Variants in SLC16A10 observed in about 807,000 individuals in gnomAD.
SLC16A10 encodes solute carrier family 16 member 10, also known as monocarboxylate transporter 10.
SLC16A10 carries 27 observed loss-of-function variants against 40.0 expected under a neutral mutation model. The observed-to-expected ratio is 0.67, with a 90% CI of 0.50 to 0.93. SLC16A10 has a LOEUF of 0.93. SLC16A10 is among the 40% of genes least tolerant of loss of function. The pLI is 0.00. For missense variants in SLC16A10, 529 were observed against 658.2 expected (o/e 0.80, Z 2.15); for synonymous variants, 213 against 249.8 (o/e 0.85, Z 1.39).
chr6:111,157,084 A>G (rs1772283953), intron 1 of SLC16A10, among the ~76,000 whole-genome samples: 1 of 151,750 alleles, frequency 6.6e-6, no homozygotes, highest in African/African-American at 2.4e-5. Context: ...ACACCCAGCT[A>G]ATTTTTATAT....
At position 111,153,067 on chromosome 6, in the gene SLC16A10, A is replaced by C. The variant is rs190465592; in HGVS notation, c.344-19628A>C. 2.5e-3 allele frequency among the ~76,000 whole-genome samples: 386 copies of C among 152,276 alleles called. 2 individuals are homozygous for C. Among genetic ancestry groups the C allele is most frequent in the African/African-American group, 8.8e-3 (366 of 41,564 alleles). On this transcript the variant is annotated intron_variant, in intron 1 of 5. Transcript: ENST00000368851. ...TGCTGGGGAAGATCAAGGGAGAGAG[A>C]GGGTGCTGAGAGCCAATAGGGTGGA...
chr6:111,145,692 A>G (rs1022726598), intron 1 of SLC16A10, among the ~76,000 whole-genome samples: 1 of 152,008 alleles, frequency 6.6e-6, no homozygotes, highest in Non-Finnish European at 1.5e-5. Flanking sequence ...CTTAAAAAAG[A>G]AAAAAAATCA....
At chr6:111,192,976 C>T (rs2114568019) in intron 3 of SLC16A10, among the ~76,000 whole-genome samples, 1 of 152,312 alleles carries the variant, frequency 6.6e-6, no homozygotes. Context: ...TTATTAACTA[C>T]TTATCTCTTC....
chr6:111,138,838 A>G (rs1771929687), intron 1 of SLC16A10, among the ~76,000 whole-genome samples: 1 of 152,066 alleles, frequency 6.6e-6, no homozygotes, highest in Non-Finnish European at 1.5e-5. Flanking sequence ...CTCTTCTGAC[A>G]GTTTTGGGGC....
At chr6:111,101,476 T>C (rs777437893) in intron 1 of SLC16A10, among the ~76,000 whole-genome samples, 1 of 152,206 alleles carries the variant, frequency 6.6e-6, no homozygotes, top group Non-Finnish European at 1.5e-5. Flanking sequence ...TTAACATTTC[T>C]GCAGCAAAAT....
rs1199413042 is a variant in SLC16A10, at chr6:111,156,205, C to T, written c.344-16490C>T. Among the ~76,000 whole-genome samples the T allele has an allele frequency of 3.9e-5, 6 of 152,226 alleles. No individual in the cohort carries two copies. The East Asian group carries it at 1.2e-3, about 29-fold the overall frequency. On this transcript the variant is annotated intron_variant, in intron 1 of 5. Coordinates refer to ENST00000368851, the MANE Select transcript of SLC16A10 (RefSeq NM_018593.5). ...AATAAATGTGGGAGACTAGACAAAT[C>T]CCCCATGCAGAAGAATTCCAAGTAA...
chr6:111,146,722 G>A (rs1772085577), intron 1 of SLC16A10, among the ~76,000 whole-genome samples: 1 of 151,230 alleles, frequency 6.6e-6, no homozygotes, highest in Non-Finnish European at 1.5e-5. Context: ...GGGCAACAGA[G>A]CGAGACTCCG....
chr6:111,146,381 A>G lies in SLC16A10; in HGVS notation c.344-26314A>G, dbSNP rs756060156. Among the ~76,000 whole-genome samples, 7 of 152,230 alleles carry G rather than the reference A, an allele frequency of 4.6e-5. No individual in the cohort carries two copies. The East Asian group carries it at 5.8e-4, about 13-fold the overall frequency. Reference sequence around the variant, plus strand: ...GTGCAGACACTTTGGAAAGTTGGCTATTCCTCAGAGATTTACCACATGGCA... The same window carrying G: ...GTGCAGACACTTTGGAAAGTTGGCTGTTCCTCAGAGATTTACCACATGGCA... On this transcript the variant is annotated intron_variant, in intron 1 of 5. Transcript: ENST00000368851.
chr6:111,139,092 C>CTTTTT (rs755473638), intron 1 of SLC16A10, among the ~76,000 whole-genome samples: 12 of 118,892 alleles, frequency 1.0e-4, no homozygotes, highest in East Asian at 2.4e-4. Context: ...TCTTCTTCTT[C>CTTTTT]TTTTTTTTTT....
intron 1 of SLC16A10, among the ~76,000 whole-genome samples, chr6:111,100,382 G>T (rs1771152503): frequency 6.6e-6 from 1 of 151,998 alleles, no homozygotes. Context: ...TTTGGATTTG[G>T]TTTATCTACA....
At chr6:111,136,566 C>T (rs1292305726) in intron 1 of SLC16A10, among the ~76,000 whole-genome samples, 1 of 152,208 alleles carries the variant, frequency 6.6e-6, no homozygotes, top group Non-Finnish European at 1.5e-5. Flanking sequence ...CGCACTTGTG[C>T]AACTCTTAAC....
At chr6:111,178,570 G>T (rs1038400175) in intron 3 of SLC16A10, 1 of 327,678 alleles carries the variant, frequency 3.1e-6, no homozygotes, top group Non-Finnish European at 5.6e-6. Flanking sequence ...AAAAAAAAAA[G>T]AAGGAAGAAG....
chr6:111,207,615 A>G (rs1418569091), intron 4 of SLC16A10, among the ~76,000 whole-genome samples: 3 of 152,208 alleles, frequency 2.0e-5, no homozygotes, highest in African/African-American at 7.2e-5. Context: ...GGTTTGCTAG[A>G]TGAGTGCCAT....
intron 4 of SLC16A10, among the ~76,000 whole-genome samples, chr6:111,209,386 G>A (rs1321191218): frequency 6.6e-6 from 1 of 152,172 alleles, no homozygotes; most frequent in Non-Finnish European, 1.5e-5. Flanking sequence ...TGTGGCTCAG[G>A]TAATGGAGTA....
intron 3 of SLC16A10, among the ~76,000 whole-genome samples, chr6:111,179,020 CTTT>C (rs935785183): frequency 6.6e-6 from 1 of 151,794 alleles, no homozygotes; most frequent in Non-Finnish European, 1.5e-5. Flanking sequence ...AATTCTTTTT[CTTT>C]TTTTTCTTTT....
intron 1 of SLC16A10, among the ~76,000 whole-genome samples, chr6:111,103,850 C>T (rs1301984811): frequency 1.3e-5 from 2 of 152,162 alleles, no homozygotes; most frequent in African/African-American, 2.4e-5. Flanking sequence ...AGTTCTAATA[C>T]TGAATGTTCT....
chr6:111,092,946 C>T (rs1325668085), intron 1 of SLC16A10, among the ~76,000 whole-genome samples: 1 of 149,042 alleles, frequency 6.7e-6, no homozygotes, highest in Non-Finnish European at 1.5e-5. Flanking sequence ...GAGGCTGAGG[C>T]AGGAGAATTG....
chr6:111,215,488 A>T (rs1240741806), intron 4 of SLC16A10, among the ~76,000 whole-genome samples: 2 of 152,050 alleles, frequency 1.3e-5, no homozygotes, highest in African/African-American at 4.8e-5. Context: ...AAAAGAAAAA[A>T]ATATATATTC....
intron 1 of SLC16A10, among the ~76,000 whole-genome samples, chr6:111,127,957 G>A (rs898197188): frequency 5.3e-5 from 8 of 152,158 alleles, no homozygotes; most frequent in South Asian, 2.1e-4. Flanking sequence ...GTGAACCTGC[G>A]TGGACTGGGT....
Sources: gnomAD v4.1 joint callset for allele counts (sites outside exome capture counted in the v4.1 genomes callset) on GRCh38, gnomAD v4.1.1 for gene constraint, MANE v1.5 for transcripts, NCBI Gene and HGNC (gene_info 2026-07-23, HGNC 2026-07-21) for gene names.